The following PARP14 variants were observed in gnomAD, a reference collection of about 807,000 sequenced individuals.
PARP14 encodes poly(ADP-ribose) polymerase family member 14.
A neutral mutation model predicts 154.2 loss-of-function variants in PARP14; 59 were observed. That is an observed-to-expected ratio of 0.38 (90% CI 0.31 to 0.48). The LOEUF (loss-of-function observed/expected upper bound fraction) is 0.48. Ranked by LOEUF, PARP14 falls within the 20% of genes least tolerant of loss-of-function variation. PARP14 has a pLI of 0.98. For missense variants in PARP14, 1,734 were observed against 2,131.6 expected, an observed-to-expected ratio of 0.81 and a Z score of 3.67; for synonymous variants, 720 against 780.5, an observed-to-expected ratio of 0.92 and a Z score of 1.29.
rs536808815 is a variant in PARP14, at chr3:122,712,057, T to G, written c.3620-1367T>G. Among the ~76,000 whole-genome samples, 7 of 152,236 alleles carry G rather than the reference T, an allele frequency of 4.6e-5. No individual in the cohort carries two copies. The East Asian group carries it at 1.2e-3, about 25-fold the overall frequency. Reference sequence around the variant, plus strand: ...CAGCTTTTTGTTTCATTTTTATCTTTTTTTGTTTGTTTGTTTGAGGTCTTT... The same window carrying G: ...CAGCTTTTTGTTTCATTTTTATCTTGTTTTGTTTGTTTGTTTGAGGTCTTT... On this transcript the variant is annotated intron_variant, in intron 9 of 16. Coordinates refer to ENST00000474629, the MANE Select transcript of PARP14 (RefSeq NM_017554.3).
At chr3:122,693,132 C>T (rs1479828418) in intron 4 of PARP14, among the ~76,000 whole-genome samples, 3 of 152,226 alleles carry the variant, frequency 2.0e-5, no homozygotes, top group Non-Finnish European at 4.4e-5. Flanking sequence ...TGAACCCAGG[C>T]AGCCTATCTC....
chr3:122,694,610 G>GCTCAC (rs540313984), intron 4 of PARP14, among the ~76,000 whole-genome samples: 105 of 152,188 alleles, frequency 6.9e-4, no homozygotes, highest in Middle Eastern at 6.8e-3. Context: ...CGTGATCTCA[G>GCTCAC]CTCACTACAA....
At position 122,687,177 on chromosome 3, in the gene PARP14, A is replaced by G. The variant is rs187640891; in HGVS notation, c.355+64A>G. 1.3e-5 allele frequency: 15 copies of G among 1,162,148 alleles called. No homozygotes were observed. In the East Asian group the frequency reaches 3.7e-4, roughly 29 times the overall value. The allele number at this position is 1,162,148 out of a possible 1,614,324, so 72.0% of individuals were successfully genotyped here. A position where few individuals can be genotyped will look rare whatever the true frequency, so the allele number is the denominator to read the frequency against. On this transcript the variant is annotated intron_variant, in intron 3 of 16. Coordinates refer to ENST00000474629, the MANE Select transcript of PARP14 (RefSeq NM_017554.3). ...CTGTTTTGCATTTATTAAAGGCAGC[A>G]CTTGAGGGAGTCAGCCCTCTCTTCT...
intron 5 of PARP14, among the ~76,000 whole-genome samples, chr3:122,697,534 A>G (rs1938817081): frequency 6.6e-6 from 1 of 152,212 alleles, no homozygotes; most frequent in South Asian, 2.1e-4. Flanking sequence ...TTTTTCTTAT[A>G]GGATATTTCA....
At position 122,700,257 on chromosome 3, in the gene PARP14, A is replaced by G. The variant is rs375076297; in HGVS notation, c.1703A>G (p.Tyr568Cys). 5.0e-6 allele frequency: 8 copies of G among 1,612,782 alleles called. No individual in the cohort carries two copies. The highest frequency in any genetic ancestry group is 2.5e-6 in the Non-Finnish European group (3 of 1,179,290). Residue 568 changes from tyrosine (Y) to cysteine (C), a missense_variant, in exon 6 of 17, where the codon TAT becomes TGT. This residue lies in a region of PARP14 where 1,646 missense variants were observed against 1,976.0 expected (regional missense o/e 0.83). Transcript: ENST00000474629. ...ATAGCACAGAAGATTCTTGCACTTT[A>G]TGAGCTAGAGGGTACAACTGTTCTC... ...LFIAQKILAL[Y>C]ELEGTTVLLT...
At chr3:122,721,274 T>G in intron 15 of PARP14, 1 of 194,456 alleles carries the variant, frequency 5.1e-6, no homozygotes, top group Non-Finnish European at 1.1e-5. Context: ...CTCTAGAACA[T>G]ACTCCCAGTG....
intron 4 of PARP14, among the ~76,000 whole-genome samples, 196 bp downstream of exon 4, chr3:122,692,739 G>T (rs1938581475): frequency 6.6e-6 from 1 of 152,074 alleles, no homozygotes; most frequent in Non-Finnish European, 1.5e-5. Flanking sequence ...ATTTTTAGTA[G>T]AATTAACTTT....
intron 15 of PARP14, among the ~76,000 whole-genome samples, chr3:122,725,288 C>T (rs1224626613): frequency 1.3e-5 from 2 of 149,378 alleles, no homozygotes. Context: ...CTCCTCACCT[C>T]CCAGATGGGG....
At chr3:122,721,067 A>C in intron 15 of PARP14, 1 of 329,206 alleles carries the variant, frequency 3.0e-6, no homozygotes, top group Non-Finnish European at 5.9e-6. Context: ...TCCTTGACTA[A>C]TTTTCTTTTC....
chr3:122,728,065 C>T lies in PARP14; in HGVS notation c.5116+79C>T, dbSNP rs1933334713. The T allele has an allele frequency of 5.4e-6, 7 of 1,291,878 alleles. No homozygotes were observed. In the South Asian group the frequency reaches 5.8e-5, roughly 11 times the overall value. The allele number at this position is 1,291,878 out of a possible 1,614,324, so 80.0% of individuals were successfully genotyped here. A position where few individuals can be genotyped will look rare whatever the true frequency, so the allele number is the denominator to read the frequency against. On this transcript the variant is annotated intron_variant, in intron 16 of 16. Coordinates refer to ENST00000474629, the MANE Select transcript of PARP14 (RefSeq NM_017554.3). ...CGAGTTGGCTGGGACAGTGTGGATTCATTGTGGTCCCCCATCATTGGTGGC... is the reference window on the plus strand; with the variant it reads ...CGAGTTGGCTGGGACAGTGTGGATTTATTGTGGTCCCCCATCATTGGTGGC...
intron 15 of PARP14, among the ~76,000 whole-genome samples, chr3:122,727,586 T>G (rs1296590780): frequency 6.6e-6 from 1 of 152,220 alleles, no homozygotes; most frequent in Non-Finnish European, 1.5e-5. Context: ...TTTGATCTCA[T>G]GCGGTACATA....
chr3:122,706,984 T>G lies in PARP14; in HGVS notation c.3541-1206T>G, dbSNP rs1190243869. 2.6e-5 allele frequency among the ~76,000 whole-genome samples: 4 copies of G among 152,226 alleles called. No homozygotes were observed. The East Asian group carries it at 7.7e-4, about 29-fold the overall frequency. ...GATGGTCATTCTCTTAACATTGTAG[T>G]TTTTACAATTGGCAAGTTATTTGCT... On this transcript the variant is annotated intron_variant, in intron 8 of 16. Coordinates refer to ENST00000474629, the MANE Select transcript of PARP14 (RefSeq NM_017554.3).
Position 122,713,584 on chromosome 3 carries a change from A to T in PARP14, c.3769+11A>T. On this transcript the variant is annotated intron_variant, in intron 10 of 16. Transcript: ENST00000474629. ...TCAATCTCAAAGCAGGTACTTGTAC[A>T]ATTTTGATGAGTGCAATAGTTAATG... 1 of 1,611,672 alleles carries T rather than the reference A, an allele frequency of 6.2e-7. No homozygotes were observed. Among genetic ancestry groups the T allele is most frequent in the Non-Finnish European group, 8.5e-7 (1 of 1,177,990 alleles).
At chr3:122,705,656 T>C (rs1939131182) in intron 8 of PARP14, among the ~76,000 whole-genome samples, 1 of 152,174 alleles carries the variant, frequency 6.6e-6, no homozygotes. Flanking sequence ...TTTGAAAAGC[T>C]CCCAAGGTAC....
chr3:122,727,746 T>C, intron 15 of PARP14, 66 bp from the exon 16 acceptor site: 1 of 944,542 alleles, frequency 1.1e-6, no homozygotes, highest in Non-Finnish European at 1.6e-6. Context: ...GTGATCATGT[T>C]TCATTTGCTG....
intron 9 of PARP14, among the ~76,000 whole-genome samples, chr3:122,712,383 C>T (rs1272811583): frequency 6.6e-6 from 1 of 152,092 alleles, no homozygotes; most frequent in Admixed American, 6.6e-5. Flanking sequence ...GCTGGGATTA[C>T]AGGCCTGTGC....
intron 4 of PARP14, among the ~76,000 whole-genome samples, chr3:122,694,494 T>C (rs745865770): frequency 2.6e-5 from 4 of 152,222 alleles, no homozygotes; most frequent in Non-Finnish European, 4.4e-5. Context: ...CCTCAGATCC[T>C]AGCACAGTGC....
chr3:122,713,819 T>C, intron 10 of PARP14, 53 bp from the exon 11 acceptor site: 1 of 1,283,514 alleles, frequency 7.8e-7, no homozygotes, highest in Non-Finnish European at 1.1e-6. Context: ...GATCCAAATA[T>C]ACCATAGTGG....
At chr3:122,727,784 C>A (rs779417432) in intron 15 of PARP14, 28 bp from the exon 16 acceptor site, 65 of 1,476,292 alleles carry the variant, frequency 4.4e-5, no homozygotes, top group Non-Finnish European at 8.3e-6. Flanking sequence ...TTGGAACTGG[C>A]AGAATATTAT....
Sources: gnomAD v4.1 joint callset for allele counts (sites outside exome capture counted in the v4.1 genomes callset) on GRCh38, gnomAD v4.1.1 for gene constraint, gnomAD v4.1.1 regional missense constraint, MANE v1.5 for transcripts, NCBI Gene and HGNC (gene_info 2026-07-23, HGNC 2026-07-21) for gene names.